The following CNTN5 variants were observed in gnomAD, a reference collection of about 807,000 sequenced individuals.
CNTN5 encodes contactin-5.
A neutral mutation model predicts 129.1 loss-of-function variants in CNTN5; 77 were observed. The observed-to-expected ratio is 0.60, with a 90% CI of 0.50 to 0.72. The LOEUF is 0.72. Among genes scored for constraint, CNTN5 ranks in the 30% least tolerant of loss-of-function variants. The pLI is 0.00. For synonymous variants in CNTN5, 509 were observed against 465.6 expected (o/e 1.09, Z -1.20); for missense variants, 1,478 against 1,328.8 (o/e 1.11, Z -1.75).
chr11:99,404,752 A>C (rs908557795), intron 2 of CNTN5, among the ~76,000 whole-genome samples: 1 of 151,992 alleles, frequency 6.6e-6, no homozygotes, highest in Non-Finnish European at 1.5e-5. Context: ...TTTATTGGTC[A>C]CCACAGTTAC....
chr11:99,085,581 T>TAACA (rs1865974492), intron 1 of CNTN5, among the ~76,000 whole-genome samples: 1 of 152,184 alleles, frequency 6.6e-6, no homozygotes, highest in Non-Finnish European at 1.5e-5. Context: ...AGAGTTTTTC[T>TAACA]AAGAGTCTCC....
At chr11:99,718,396 A>G (rs2135008509) in intron 3 of CNTN5, among the ~76,000 whole-genome samples, 1 of 152,256 alleles carries the variant, frequency 6.6e-6, no homozygotes, top group Non-Finnish European at 1.5e-5. Context: ...CTGTTTTCAG[A>G]GATTTTAATT....
intron 2 of CNTN5, among the ~76,000 whole-genome samples, chr11:99,504,896 C>T (rs1565238677): frequency 1.3e-5 from 2 of 152,108 alleles, no homozygotes; most frequent in African/African-American, 4.8e-5. Context: ...TAGTTTATTG[C>T]TCTCCTAATT....
chr11:99,085,431 A>G (rs940952449), intron 1 of CNTN5, among the ~76,000 whole-genome samples: 7 of 152,152 alleles, frequency 4.6e-5, no homozygotes, highest in African/African-American at 1.7e-4. Context: ...TTTTTCTAAC[A>G]TTTTTGAAAT....
chr11:99,455,178 A>G (rs1591087543), intron 2 of CNTN5, among the ~76,000 whole-genome samples: 1 of 152,140 alleles, frequency 6.6e-6, no homozygotes, highest in African/African-American at 2.4e-5. Flanking sequence ...GGCCCTCAAG[A>G]TGCTCACACA....
intron 6 of CNTN5, among the ~76,000 whole-genome samples, chr11:99,882,864 C>A (rs1344882913): frequency 6.6e-6 from 1 of 152,072 alleles, no homozygotes; most frequent in African/African-American, 2.4e-5. Flanking sequence ...TCTTTATTCC[C>A]CCCACCTCCA....
chr11:99,852,183 C>T (rs1414238267), intron 6 of CNTN5, among the ~76,000 whole-genome samples: 1 of 151,948 alleles, frequency 6.6e-6, no homozygotes, highest in Non-Finnish European at 1.5e-5. Flanking sequence ...TCACAACTCA[C>T]AATAAAATAA....
At chr11:99,724,395 G>A (rs1943269833) in intron 3 of CNTN5, among the ~76,000 whole-genome samples, 1 of 152,036 alleles carries the variant, frequency 6.6e-6, no homozygotes, top group South Asian at 2.1e-4. Flanking sequence ...CAGCTCCTTT[G>A]AGTATGTGTT....
intron 3 of CNTN5, among the ~76,000 whole-genome samples, chr11:99,716,604 T>C (rs1955243899): frequency 6.6e-6 from 1 of 152,052 alleles, no homozygotes; most frequent in Non-Finnish European, 1.5e-5. Context: ...ATCAGTGTAT[T>C]CTCTATCTCA....
At chr11:99,890,946 A>T (rs1185201122) in intron 6 of CNTN5, among the ~76,000 whole-genome samples, 1 of 152,050 alleles carries the variant, frequency 6.6e-6, no homozygotes, top group Non-Finnish European at 1.5e-5. Context: ...AAAAAATCAG[A>T]CCATTGCCAA....
At chr11:99,684,585 G>A (rs1019491668) in intron 3 of CNTN5, among the ~76,000 whole-genome samples, 1 of 151,710 alleles carries the variant, frequency 6.6e-6, no homozygotes, top group African/African-American at 2.4e-5. Context: ...GTTAGTTCTT[G>A]GTTTCTTTTC....
intron 2 of CNTN5, among the ~76,000 whole-genome samples, chr11:99,336,831 A>G (rs2063038169): frequency 6.6e-6 from 1 of 152,082 alleles, no homozygotes; most frequent in African/African-American, 2.4e-5. Flanking sequence ...CTGTCTCAAA[A>G]AAAAAGAAAA....
At chr11:99,946,655 T>C (rs978735735) in intron 7 of CNTN5, among the ~76,000 whole-genome samples, 2 of 152,124 alleles carry the variant, frequency 1.3e-5, no homozygotes, top group Non-Finnish European at 2.9e-5. Flanking sequence ...AAACCTTTCA[T>C]CCATGTATCC....
chr11:99,608,189 C>A (rs1046333662), intron 3 of CNTN5, among the ~76,000 whole-genome samples: 2 of 151,466 alleles, frequency 1.3e-5, no homozygotes, highest in Non-Finnish European at 2.9e-5. Context: ...GCTGAAAAGT[C>A]ATAATTTTCA....
intron 3 of CNTN5, among the ~76,000 whole-genome samples, chr11:99,591,149 G>C (rs1489947481): frequency 2.0e-5 from 3 of 151,940 alleles, no homozygotes; most frequent in Non-Finnish European, 4.4e-5. Flanking sequence ...ACGTTTAGTT[G>C]ATCTTTTATC....
chr11:100,303,861 C>A (rs1323127433), intron 20 of CNTN5, among the ~76,000 whole-genome samples: 3 of 151,622 alleles, frequency 2.0e-5, no homozygotes, highest in Non-Finnish European at 4.4e-5. Context: ...AATTTCCTGT[C>A]TTTTCCAGAT....
chr11:99,695,540 T>A (rs901096510), intron 3 of CNTN5, among the ~76,000 whole-genome samples: 2 of 152,040 alleles, frequency 1.3e-5, no homozygotes, highest in African/African-American at 2.4e-5. Flanking sequence ...AAATATTTTA[T>A]ATATCTTATA....
At chr11:99,430,743 G>A (rs1165555431) in intron 2 of CNTN5, among the ~76,000 whole-genome samples, 2 of 151,746 alleles carry the variant, frequency 1.3e-5, no homozygotes, top group South Asian at 2.1e-4. Context: ...TTGGGGGGGC[G>A]GGGAGAAAAA....
At chr11:99,517,354 C>A (rs1174416790) in intron 2 of CNTN5, among the ~76,000 whole-genome samples, 1 of 151,860 alleles carries the variant, frequency 6.6e-6, no homozygotes, top group Non-Finnish European at 1.5e-5. Flanking sequence ...AGATCTTCTC[C>A]ACAGCCTTTT....
Sources: allele counts gnomAD v4.1 joint callset (sites outside exome capture counted in the v4.1 genomes callset), GRCh38; gene constraint gnomAD v4.1.1; transcripts MANE v1.5; gene names NCBI Gene and HGNC (gene_info 2026-07-23, HGNC 2026-07-21).